The following MYBPC1 variants were observed in gnomAD, a reference collection of about 807,000 sequenced individuals.
The protein encoded by MYBPC1 is myosin-binding protein C, slow-type.
MYBPC1 carries 52 observed loss-of-function variants against 147.1 expected under a neutral mutation model. The observed-to-expected ratio is 0.35, with a 90% CI of 0.28 to 0.45. The LOEUF (loss-of-function observed/expected upper bound fraction) is 0.45. MYBPC1 is among the 20% of genes least tolerant of loss of function. MYBPC1 has a pLI of 1.00. For missense variants in MYBPC1, 1,228 were observed against 1,440.3 expected (o/e 0.85, Z 2.39); for synonymous variants, 477 against 475.9 (o/e 1.00, Z -0.03).
Position 101,667,779 on chromosome 12 carries a change from T to C in MYBPC1, c.2404T>C (p.Phe802Leu), listed in dbSNP as rs1398163617. Residue 802 changes from phenylalanine to leucine, a missense_variant, in exon 23 of 32, where the codon TTC becomes CTC. By Grantham distance (22) the Phe-to-Leu change is conservative. Around this residue, in one of 2 missense-constraint regions of MYBPC1, gnomAD observed 1,077 missense variants for 1,314.2 expected, o/e 0.82. Coordinates refer to ENST00000361466, the MANE Select transcript of MYBPC1 (RefSeq NM_002465.4). ...ANKDLIDKTKFTITGLPTDAK... is the reference protein window; with the variant it reads ...ANKDLIDKTKLTITGLPTDAK... ...CAAAGATCTGATTGACAAGACGAAGTTCACCATCACAGGTCTGCCAACAGA... is the reference window on the plus strand; with the variant it reads ...CAAAGATCTGATTGACAAGACGAAGCTCACCATCACAGGTCTGCCAACAGA... 1.2e-6 allele frequency: 2 copies of C among 1,614,082 alleles called. No individual in the cohort carries two copies. Among genetic ancestry groups the C allele is most frequent in the African/African-American group, 2.7e-5 (2 of 74,928 alleles).
intron 24 of MYBPC1, 140 bp downstream of exon 24, chr12:101,670,549 T>C (rs913011759): frequency 1.3e-6 from 1 of 773,426 alleles, no homozygotes; most frequent in Non-Finnish European, 2.3e-6. Flanking sequence ...AATGAAAGAG[T>C]ATTGGAGAAT....
intron 6 of MYBPC1, 53 bp from the exon 7 acceptor site, chr12:101,631,518 A>C: frequency 6.2e-7 from 1 of 1,603,018 alleles, no homozygotes. Flanking sequence ...AGTTGAAAGC[A>C]AAACAAATGA....
At chr12:101,637,197 T>C (rs1370561406) in intron 10 of MYBPC1, 1 of 157,396 alleles carries the variant, frequency 6.4e-6, no homozygotes, top group African/African-American at 2.4e-5. Context: ...ATGAAAAAAT[T>C]GTTCCAAATG....
At chr12:101,665,158 G>A (rs892577996) in intron 22 of MYBPC1, among the ~76,000 whole-genome samples, 39 of 151,984 alleles carry the variant, frequency 2.6e-4, no homozygotes, top group African/African-American at 6.5e-4. Flanking sequence ...AAAATTTTGC[G>A]TGTGGTCTGT....
At position 101,678,251 on chromosome 12, in the gene MYBPC1, T is replaced by C. The variant is rs370059954; in HGVS notation, c.3246+13T>C. On this transcript the variant is annotated intron_variant, in intron 28 of 31. Transcript: ENST00000361466. ...AGGAAATCCTAAGGTACCATGTTCT[T>C]CTATCACATCAGTTAAAGTCCCTGT... 3 of 1,613,826 alleles carry C rather than the reference T, an allele frequency of 1.9e-6. No individual in the cohort carries two copies. The highest frequency in any genetic ancestry group is 2.5e-6 in the Non-Finnish European group (3 of 1,179,688).
At chr12:101,670,296 A>T in intron 23 of MYBPC1, 25 bp from the exon 24 acceptor site, 1 of 1,595,156 alleles carries the variant, frequency 6.3e-7, no homozygotes, top group South Asian at 1.1e-5. Context: ...TGATTGCAAA[A>T]TTGTGCTATT....
intron 3 of MYBPC1, among the ~76,000 whole-genome samples, chr12:101,621,231 C>G (rs1308770236): frequency 1.3e-5 from 2 of 152,184 alleles, no homozygotes; most frequent in African/African-American, 4.8e-5. Context: ...AATTACATTA[C>G]TTCTTTGTAA....
intron 24 of MYBPC1, among the ~76,000 whole-genome samples, chr12:101,671,339 T>A (rs1527394): frequency 0.63 from 79,876 of 125,970 alleles, 21,465 homozygotes; most frequent in Admixed American, 0.72. Flanking sequence ...ACACACACAC[T>A]CACACACACA....
At chr12:101,659,947 C>CT (rs770034877) in intron 19 of MYBPC1, 116 bp downstream of exon 19, 2,222 of 1,279,300 alleles carry the variant, frequency 1.7e-3, no homozygotes, top group Non-Finnish European at 2.1e-3. Context: ...CCCTTATCTT[C>CT]TTTTTTTTTC....
Position 101,659,810 on chromosome 12 carries a change from A to C in MYBPC1, c.1906A>C (p.Ser636Arg), listed in dbSNP as rs1290661983. 5 of 1,614,042 alleles carry C rather than the reference A, an allele frequency of 3.1e-6. No homozygotes were observed. The highest frequency in any genetic ancestry group is 4.2e-6 in the Non-Finnish European group (5 of 1,180,004). Residue 636 changes from serine to arginine, a missense_variant, in exon 19 of 32, where the codon AGC becomes CGC. This residue lies in a region of MYBPC1 where 1,077 missense variants were observed against 1,314.2 expected (regional missense o/e 0.82). Coordinates refer to ENST00000361466, the MANE Select transcript of MYBPC1 (RefSeq NM_002465.4). ...LKNEAGEAHA[S>R]IKVKVVDFPD... Reference sequence around the variant, plus strand: ...AAACGAAGCTGGAGAGGCACATGCAAGCATCAAGGTTAAAGTTGTGGGTAA... The same window carrying C: ...AAACGAAGCTGGAGAGGCACATGCACGCATCAAGGTTAAAGTTGTGGGTAA...
At position 101,630,564 on chromosome 12, in the gene MYBPC1, C is replaced by T. The variant is rs565284116; in HGVS notation, c.290-1007C>T. Among the ~76,000 whole-genome samples, 21 of 152,228 alleles carry T rather than the reference C, an allele frequency of 1.4e-4. No individual in the cohort carries two copies. In the East Asian group the frequency reaches 3.9e-3, roughly 28 times the overall value. On this transcript the variant is annotated intron_variant, in intron 6 of 31. Coordinates refer to ENST00000361466, the MANE Select transcript of MYBPC1 (RefSeq NM_002465.4). ...CCATAACTCACTCCATAAGATGATT[C>T]CAAATCTACACATGCGCTAGGTCAT...
chr12:101,634,648 G>C (rs368736837), intron 9 of MYBPC1, 43 bp downstream of exon 9: 4 of 1,460,950 alleles, frequency 2.7e-6, no homozygotes, highest in African/African-American at 1.4e-5. Flanking sequence ...GTATAACACA[G>C]AAGTGGAGGA....
At position 101,670,343 on chromosome 12, in the gene MYBPC1, A is replaced by T; in HGVS notation, c.2547A>T (p.Pro849=). The part of the protein sequence containing the change: ...EIIEPPKIRI[P]RHLKQTYIRR... The stretch of plus-strand genomic sequence containing the variant: ...CAGAACCTCCAAAGATTCGCATTCC[A>T]AGACACCTGAAGCAAACCTATATCC... Residue 849 remains proline (P), a synonymous_variant, in exon 24 of 32, where the codon CCA becomes CCT. Coordinates refer to ENST00000361466, the MANE Select transcript of MYBPC1 (RefSeq NM_002465.4). The T allele has an allele frequency of 6.2e-7, 1 of 1,614,074 alleles. No homozygotes were observed. Among genetic ancestry groups the T allele is most frequent in the Non-Finnish European group, 8.5e-7 (1 of 1,179,930 alleles).
At chr12:101,689,818 C>CCTTACTCAGCTGACCACCTGGGACTCAG, downstream of MYBPC1, among the ~76,000 whole-genome samples, 1 of 152,274 alleles carries the variant, frequency 6.6e-6, no homozygotes, top group Admixed American at 6.5e-5. Flanking sequence ...GCAAGTCCCT[C>CCTTACTCAGCTGACCACCTGGGACTCAG]CTTACTCAGC....
intron 22 of MYBPC1, among the ~76,000 whole-genome samples, chr12:101,664,794 G>A: frequency 6.6e-6 from 1 of 152,162 alleles, no homozygotes; most frequent in East Asian, 1.9e-4. Flanking sequence ...AAAAGCAGTG[G>A]AAACGTCAGA....
chr12:101,669,065 T>A (rs555590844), intron 23 of MYBPC1, among the ~76,000 whole-genome samples: 3 of 152,090 alleles, frequency 2.0e-5, no homozygotes, highest in Non-Finnish European at 4.4e-5. Flanking sequence ...TCAGCCTGGG[T>A]GACAGAGCAA....
intron 25 of MYBPC1, among the ~76,000 whole-genome samples, chr12:101,674,202 GCTGT>G (rs766350795): frequency 6.6e-6 from 1 of 152,118 alleles, no homozygotes; most frequent in African/African-American, 2.4e-5. Context: ...CTATAACCCA[GCTGT>G]CTCTTTCTCT....
At chr12:101,624,203 C>T (rs1179618955) in intron 3 of MYBPC1, among the ~76,000 whole-genome samples, 2 of 151,656 alleles carry the variant, frequency 1.3e-5, no homozygotes, top group African/African-American at 2.4e-5. Context: ...AGTAAATCAC[C>T]TCTTGGATTC....
At chr12:101,608,928 G>A (rs1387984537) in intron 1 of MYBPC1, among the ~76,000 whole-genome samples, 1 of 152,186 alleles carries the variant, frequency 6.6e-6, no homozygotes, top group Non-Finnish European at 1.5e-5. Flanking sequence ...GGGTAACACA[G>A]ATGAAGAAAG....
Sources: gnomAD v4.1 joint callset for allele counts (sites outside exome capture counted in the v4.1 genomes callset) on GRCh38, gnomAD v4.1.1 for gene constraint, gnomAD v4.1.1 regional missense constraint, MANE v1.5 for transcripts, NCBI Gene and HGNC (gene_info 2026-07-23, HGNC 2026-07-21) for gene names.